The following DLG2 variants were observed in gnomAD, a reference collection of about 807,000 sequenced individuals.
The protein encoded by DLG2 is disks large homolog 2.
In DLG2, 45 loss-of-function variants were observed where a neutral mutation model predicts 132.5. The ratio of observed to expected loss-of-function variants is 0.34; its 90% CI spans 0.27 to 0.44. The LOEUF is 0.44. Among genes scored for constraint, DLG2 ranks in the 20% least tolerant of loss-of-function variants. The pLI is 1.00. For synonymous variants in DLG2, 424 were observed against 419.6 expected (o/e 1.01, Z -0.13); for missense variants, 1,045 against 1,196.9 (o/e 0.87, Z 1.87).
intron 6 of DLG2, among the ~76,000 whole-genome samples, chr11:84,721,882 C>G (rs892501254): frequency 5.3e-5 from 8 of 152,198 alleles, no homozygotes; most frequent in African/African-American, 1.9e-4. Flanking sequence ...ATATACTGAA[C>G]AACACATTCC....
intron 6 of DLG2, among the ~76,000 whole-genome samples, chr11:84,826,662 C>G (rs958385610): frequency 1.3e-5 from 2 of 151,682 alleles, no homozygotes; most frequent in Non-Finnish European, 3.0e-5. Context: ...AGAGACAGTG[C>G]TCTATTCATT....
chr11:83,767,108 T>A (rs1372817018), intron 18 of DLG2, among the ~76,000 whole-genome samples: 1 of 152,198 alleles, frequency 6.6e-6, no homozygotes, highest in African/African-American at 2.4e-5. Context: ...GATCCTTAAT[T>A]TCGTCACATC....
intron 6 of DLG2, among the ~76,000 whole-genome samples, chr11:84,633,584 C>T (rs1398402172): frequency 6.6e-6 from 1 of 151,616 alleles, no homozygotes; most frequent in East Asian, 1.9e-4. Context: ...ATTTTTATCA[C>T]AGCATTTCTC....
chr11:85,213,176 TGAAAA>T (rs2082358033), intron 4 of DLG2, among the ~76,000 whole-genome samples: 1 of 152,152 alleles, frequency 6.6e-6, no homozygotes, highest in Non-Finnish European at 1.5e-5. Flanking sequence ...ATGCTGTTGA[TGAAAA>T]GAGTAAAATT....
chr11:85,410,144 T>C (rs1472344080), intron 3 of DLG2, among the ~76,000 whole-genome samples: 2 of 151,806 alleles, frequency 1.3e-5, no homozygotes, highest in Non-Finnish European at 2.9e-5. Flanking sequence ...GTTAGCAAGT[T>C]AATGAAAACA....
chr11:84,578,201 T>C (rs1219096945), intron 6 of DLG2, among the ~76,000 whole-genome samples: 1 of 151,956 alleles, frequency 6.6e-6, no homozygotes, highest in Admixed American at 6.6e-5. Context: ...TAGGGTGGTA[T>C]GAAAGGGAAA....
intron 6 of DLG2, among the ~76,000 whole-genome samples, chr11:84,926,808 C>G (rs1320274694): frequency 6.6e-6 from 1 of 151,968 alleles, no homozygotes; most frequent in Non-Finnish European, 1.5e-5. Flanking sequence ...TACCCCATTG[C>G]ACTCCATGAG....
intron 19 of DLG2, among the ~76,000 whole-genome samples, chr11:83,604,576 G>A (rs991588178): frequency 3.3e-5 from 5 of 152,100 alleles, no homozygotes; most frequent in African/African-American, 7.2e-5. Context: ...ATGGATACAT[G>A]TCATTATACA....
intron 4 of DLG2, among the ~76,000 whole-genome samples, chr11:85,246,108 G>A (rs1226343256): frequency 6.6e-6 from 1 of 151,790 alleles, no homozygotes; most frequent in Non-Finnish European, 1.5e-5. Flanking sequence ...ATAGCACCAT[G>A]ATCCTACCTT....
rs1555268407 is a variant in DLG2, at chr11:83,633,782, A to AC, written c.1826-458_1826-457insG. On this transcript the variant is annotated intron_variant, in intron 18 of 27. Transcript: ENST00000376104. ...CACACACACACACACACACACACAC[A>AC]ACTGCGGAAAATCTGAATAATATCG... Among the ~76,000 whole-genome samples, 128 of 148,134 alleles carry AC rather than the reference A, an allele frequency of 8.6e-4. 2 individuals are homozygous for AC. The East Asian group carries it at 0.012, about 14-fold the overall frequency.
chr11:83,675,911 G>A (rs922024735), intron 18 of DLG2, among the ~76,000 whole-genome samples: 2 of 152,080 alleles, frequency 1.3e-5, no homozygotes, highest in East Asian at 3.9e-4. Context: ...TCATATGCTT[G>A]GCCTTCATTC....
intron 7 of DLG2, among the ~76,000 whole-genome samples, chr11:84,331,276 G>A (rs1177856569): frequency 1.3e-5 from 2 of 151,918 alleles, no homozygotes; most frequent in African/African-American, 4.8e-5. Context: ...AGTCCTGAAA[G>A]TCCCAATGTT....
At chr11:84,834,771 A>G (rs1449900979) in intron 6 of DLG2, among the ~76,000 whole-genome samples, 1 of 145,934 alleles carries the variant, frequency 6.9e-6, no homozygotes, top group East Asian at 2.1e-4. Context: ...GAAAACACAA[A>G]TGCCAAGAAT....
intron 18 of DLG2, among the ~76,000 whole-genome samples, chr11:83,654,220 G>T (rs2153526713): frequency 6.6e-6 from 1 of 152,248 alleles, no homozygotes; most frequent in Middle Eastern, 3.4e-3. Context: ...GTTAAAGGAT[G>T]ATTTGGACTC....
Position 83,789,842 on chromosome 11 carries a change from G to A in DLG2, c.1723-3050C>T, listed in dbSNP as rs754713312. 7 of 377,292 alleles carry A rather than the reference G, an allele frequency of 1.9e-5. No individual in the cohort carries two copies. In the East Asian group the frequency reaches 3.3e-4, roughly 18 times the overall value. 23.4% of individuals were successfully genotyped at this position (377,292 alleles called of 1,614,324 possible). Reference sequence around the variant, plus strand: ...ATTACAGGCGTGAGCCACCACTGATGACTCTTTTATACATAAAAGTGAAAT... The same window carrying A: ...ATTACAGGCGTGAGCCACCACTGATAACTCTTTTATACATAAAAGTGAAAT... On this transcript the variant is annotated intron_variant, in intron 17 of 27. Transcript: ENST00000376104.
At chr11:85,213,742 T>C (rs2082398190) in intron 4 of DLG2, among the ~76,000 whole-genome samples, 1 of 152,112 alleles carries the variant, frequency 6.6e-6, no homozygotes, top group Non-Finnish European at 1.5e-5. Flanking sequence ...TACTATGCTG[T>C]CTTAATTAGA....
chr11:84,972,690 T>C (rs1197455529), intron 6 of DLG2, among the ~76,000 whole-genome samples: 1 of 152,168 alleles, frequency 6.6e-6, no homozygotes, highest in African/African-American at 2.4e-5. Flanking sequence ...CTCTGTCAAG[T>C]GTTCTCCCGA....
chr11:83,499,493 A>G (rs1042408499), intron 21 of DLG2, among the ~76,000 whole-genome samples: 1 of 152,030 alleles, frequency 6.6e-6, no homozygotes, highest in Admixed American at 6.6e-5. Context: ...ACACTGCCAA[A>G]TTGCTTTCAA....
intron 6 of DLG2, among the ~76,000 whole-genome samples, chr11:84,805,020 C>A (rs1247707306): frequency 1.3e-5 from 2 of 152,118 alleles, no homozygotes; most frequent in African/African-American, 4.8e-5. Flanking sequence ...TCAGAAGAGG[C>A]CTTCTGGAGA....
Sources: allele counts gnomAD v4.1 joint callset (sites outside exome capture counted in the v4.1 genomes callset), GRCh38; gene constraint gnomAD v4.1.1; transcripts MANE v1.5; gene names NCBI Gene and HGNC (gene_info 2026-07-23, HGNC 2026-07-21).